The following SCHIP1 variants were observed in gnomAD, a reference collection of about 807,000 sequenced individuals.
SCHIP1 encodes schwannomin interacting protein 1.
Under a neutral mutation model 29.7 loss-of-function variants are expected in SCHIP1, and 8 were observed. The observed-to-expected ratio is 0.27, with a 90% CI of 0.16 to 0.49. SCHIP1 has a LOEUF of 0.49. Ranked by LOEUF, SCHIP1 falls within the 20% of genes least tolerant of loss-of-function variation. SCHIP1 has a pLI of 0.99. For missense variants in SCHIP1, 193 were observed against 294.6 expected (o/e 0.66, Z 2.52); for synonymous variants, 76 against 94.9 (o/e 0.80, Z 1.16).
At chr3:159,314,871 T>C in the SCHIP1 span, among the ~76,000 whole-genome samples, 1 of 152,348 alleles carries the variant, frequency 6.6e-6, no homozygotes, top group East Asian at 1.9e-4. Flanking sequence ...ATGATTTTTA[T>C]GCAAATATAT....
the SCHIP1 span, among the ~76,000 whole-genome samples, chr3:159,403,807 G>A: frequency 6.6e-6 from 1 of 152,132 alleles, no homozygotes; most frequent in South Asian, 2.1e-4. Context: ...TTAGACATGA[G>A]CCAAGGTGGC....
At chr3:159,622,231 C>G in the SCHIP1 span, among the ~76,000 whole-genome samples, 5 of 152,206 alleles carry the variant, frequency 3.3e-5, no homozygotes, top group African/African-American at 9.6e-5. Context: ...CAGGCAGGGG[C>G]ACAGCTGACC....
chr3:159,295,081 A>G, the SCHIP1 span, among the ~76,000 whole-genome samples: 11 of 152,116 alleles, frequency 7.2e-5, no homozygotes, highest in East Asian at 2.1e-3. Context: ...TTCAATATAA[A>G]GGTCAAACCT....
At chr3:159,732,037 G>A in the SCHIP1 span, among the ~76,000 whole-genome samples, 4 of 152,210 alleles carry the variant, frequency 2.6e-5, no homozygotes, top group East Asian at 7.7e-4. Flanking sequence ...CTGGGTACTG[G>A]GTTTCACCAT....
At chr3:159,397,488 G>T in the SCHIP1 span, among the ~76,000 whole-genome samples, 1 of 152,192 alleles carries the variant, frequency 6.6e-6, no homozygotes, top group African/African-American at 2.4e-5. Flanking sequence ...GTGATGTACA[G>T]ATGGGTTTTT....
rs1019435801 is a variant in SCHIP1 at position 159,840,103 on chromosome 3, C to G, written c.-82C>G. On this transcript the variant is annotated 5_prime_UTR_variant, in exon 1 of 7. Transcript: ENST00000445224. ...GCCTTACCAGGGCGTTCTCTCCGCC[C>G]GCCGGTGGATGCTCCGCGCCTGCCC... 2.3e-5 allele frequency: 35 copies of G among 1,528,044 alleles called. No individual in the cohort carries two copies. The African/African-American group carries it at 4.4e-4, about 19-fold the overall frequency. The allele number at this position is 1,528,044 out of a possible 1,614,324, so 94.7% of individuals were successfully genotyped here. A position where few individuals can be genotyped will look rare whatever the true frequency, so the allele number is the denominator to read the frequency against.
chr3:159,580,615 A>T, the SCHIP1 span, among the ~76,000 whole-genome samples: 3 of 152,230 alleles, frequency 2.0e-5, no homozygotes, highest in African/African-American at 7.2e-5. Flanking sequence ...AAATAAAATG[A>T]GGCTAGAAAA....
the SCHIP1 span, among the ~76,000 whole-genome samples, chr3:159,400,409 A>C: frequency 6.6e-6 from 1 of 152,232 alleles, no homozygotes; most frequent in Admixed American, 6.5e-5. Flanking sequence ...AATATTTCAA[A>C]CAAATTCAGT....
chr3:159,857,901 A>G (rs1349005839), intron 1 of SCHIP1, among the ~76,000 whole-genome samples: 1 of 152,214 alleles, frequency 6.6e-6, no homozygotes, highest in African/African-American at 2.4e-5. Context: ...TAGTAATGTC[A>G]GAGTCAACAT....
the SCHIP1 span, among the ~76,000 whole-genome samples, chr3:159,593,962 C>T: frequency 1.3e-5 from 2 of 152,236 alleles, no homozygotes; most frequent in African/African-American, 4.8e-5. Flanking sequence ...ACCTCTGCTA[C>T]TGGCCCCATC....
chr3:159,511,837 A>G, the SCHIP1 span, among the ~76,000 whole-genome samples: 4 of 152,228 alleles, frequency 2.6e-5, no homozygotes, highest in Non-Finnish European at 4.4e-5. Flanking sequence ...CATAAACACA[A>G]AATCAATTAT....
chr3:159,483,985 C>T, the SCHIP1 span, among the ~76,000 whole-genome samples: 1 of 151,982 alleles, frequency 6.6e-6, no homozygotes, highest in Non-Finnish European at 1.5e-5. Flanking sequence ...GTCTACAATC[C>T]CTCAAAAGCC....
At chr3:159,755,038 A>G in the SCHIP1 span, among the ~76,000 whole-genome samples, 2 of 152,200 alleles carry the variant, frequency 1.3e-5, no homozygotes, top group Non-Finnish European at 2.9e-5. Context: ...GATCGAGACC[A>G]TCCTGGCTAA....
chr3:159,777,792 T>G, the SCHIP1 span, among the ~76,000 whole-genome samples: 1 of 152,154 alleles, frequency 6.6e-6, no homozygotes, highest in African/African-American at 2.4e-5. Flanking sequence ...AACTTCAATA[T>G]TGCTCAGTCA....
At chr3:159,619,685 C>T in the SCHIP1 span, among the ~76,000 whole-genome samples, 2 of 152,218 alleles carry the variant, frequency 1.3e-5, no homozygotes, top group African/African-American at 4.8e-5. Flanking sequence ...GCTGGGGAAA[C>T]TGTACACTTT....
the SCHIP1 span, among the ~76,000 whole-genome samples, chr3:159,665,546 T>TGTGTGTGTGTGTGTG: frequency 1.4e-5 from 2 of 147,564 alleles, no homozygotes; most frequent in African/African-American, 5.0e-5. Flanking sequence ...GTTTTTGGGG[T>TGTGTGTGTGTGTGTG]TGTGTGTGTG....
chr3:159,466,236 AC>A, the SCHIP1 span, among the ~76,000 whole-genome samples: 2 of 152,196 alleles, frequency 1.3e-5, no homozygotes, highest in Admixed American at 6.5e-5. Context: ...AGTCCCAGCT[AC>A]CTGGGACTAC....
the SCHIP1 span, among the ~76,000 whole-genome samples, chr3:159,723,968 T>C: frequency 6.6e-6 from 1 of 152,224 alleles, no homozygotes; most frequent in Non-Finnish European, 1.5e-5. Context: ...CTCAATTTTA[T>C]ATGTTTTAAT....
At chr3:159,540,021 T>C in the SCHIP1 span, among the ~76,000 whole-genome samples, 3 of 152,246 alleles carry the variant, frequency 2.0e-5, no homozygotes, top group South Asian at 6.2e-4. Context: ...TTTTTATAGA[T>C]ACAGGTATAA....
Sources: allele counts gnomAD v4.1 joint callset (sites outside exome capture counted in the v4.1 genomes callset), GRCh38; gene constraint gnomAD v4.1.1; transcripts MANE v1.5; gene names NCBI Gene and HGNC (gene_info 2026-07-23, HGNC 2026-07-21).